TMEM204: variants seen among roughly 807,000 people sequenced by gnomAD.
The protein encoded by TMEM204 is claudin-like protein 24.
In TMEM204, 15 loss-of-function variants were observed where a neutral mutation model predicts 19.4. That is an observed-to-expected ratio of 0.77 (90% CI 0.52 to 1.19). The LOEUF is 1.19. Among genes scored for constraint, TMEM204 ranks in the 50% most tolerant of loss-of-function variants. TMEM204 has a pLI of 0.00. For synonymous variants in TMEM204, 161 were observed against 146.0 expected, an observed-to-expected ratio of 1.10 and a Z score of -0.74; for missense variants, 287 against 321.2, an observed-to-expected ratio of 0.89 and a Z score of 0.81.
Position 1,533,986 on chromosome 16 carries a change from C to A in TMEM204, c.-290C>A, listed in dbSNP as rs761624105. On this transcript the variant is annotated 5_prime_UTR_variant, in exon 1 of 3. Coordinates refer to ENST00000566264, the MANE Select transcript of TMEM204 (RefSeq NM_024600.6). The surrounding 1 kb of genome is among the most constrained non-coding windows in gnomAD (Gnocchi z 4.7). ...CGGCCTCCGCTTCCCGGGAAGACGG[C>A]GCACTCCTGGCCCTGGGTTCTTGCT... 1.7e-5 allele frequency: 8 copies of A among 465,128 alleles called. No homozygotes were observed. The highest frequency in any genetic ancestry group is 4.3e-5 in the Admixed American group (1 of 23,446). 28.8% of individuals were successfully genotyped at this position (465,128 alleles called of 1,614,324 possible). A position where few individuals can be genotyped will look rare whatever the true frequency, so the allele number is the denominator to read the frequency against.
At chr16:1,534,991 G>C (rs2030920173) in intron 1 of TMEM204, among the ~76,000 whole-genome samples, 1 of 152,084 alleles carries the variant, frequency 6.6e-6, no homozygotes, top group Admixed American at 6.5e-5. Context: ...GACTGCTTGA[G>C]GCCAAGAGTT....
intron 1 of TMEM204, among the ~76,000 whole-genome samples, chr16:1,536,430 G>C (rs1168924908): frequency 6.6e-6 from 1 of 152,136 alleles, no homozygotes; most frequent in Non-Finnish European, 1.5e-5. Flanking sequence ...CTGAGCCCTG[G>C]TCAGCCCCTT....
chr16:1,534,003 G>C lies in TMEM204; in HGVS notation c.-273G>C, dbSNP rs1391287793. ...GAAGACGGCGCACTCCTGGCCCTGG[G>C]TTCTTGCTGCTGCCCACCCTCTGCT... is the stretch of plus-strand genomic sequence containing the variant. On this transcript the variant is annotated 5_prime_UTR_variant, in exon 1 of 3. Coordinates refer to ENST00000566264, the MANE Select transcript of TMEM204 (RefSeq NM_024600.6). 2 of 493,176 alleles carry C rather than the reference G, an allele frequency of 4.1e-6. No individual in the cohort carries two copies. Among genetic ancestry groups the C allele is most frequent in the African/African-American group, 4.1e-5 (2 of 48,756 alleles). The allele number at this position is 493,176 out of a possible 1,614,324, so 30.6% of individuals were successfully genotyped here.
chr16:1,550,613 C>T (rs1241231105), intron 2 of TMEM204, among the ~76,000 whole-genome samples: 1 of 152,204 alleles, frequency 6.6e-6, no homozygotes, highest in Non-Finnish European at 1.5e-5. Context: ...CGGCAGGCTG[C>T]CTCAGGGCAG....
At position 1,551,036 on chromosome 16, in the gene TMEM204, G is replaced by A. The variant is rs995491913; in HGVS notation, c.437-3746G>A. ...TGGCCAAAGGGCTCTGTCCCTTTGAGGGGTCCTGGTCACTCAACTGCCAAG... is the reference window on the plus strand; with the variant it reads ...TGGCCAAAGGGCTCTGTCCCTTTGAAGGGTCCTGGTCACTCAACTGCCAAG... On this transcript the variant is annotated intron_variant, in intron 2 of 2. Transcript: ENST00000566264. The surrounding 1 kb of genome is among the most constrained non-coding windows in gnomAD (Gnocchi z 4.0). Among the ~76,000 whole-genome samples the A allele has an allele frequency of 5.3e-5, 8 of 152,200 alleles. No individual in the cohort carries two copies. Among genetic ancestry groups the A allele is most frequent in the African/African-American group, 1.9e-4 (8 of 41,450 alleles).
At chr16:1,532,693 A>T (rs1325036479), upstream of TMEM204, 1 of 152,278 alleles carries the variant, frequency 6.6e-6, no homozygotes, top group Non-Finnish European at 1.5e-5. Context: ...GCATTCACGA[A>T]GCTTTGGAGC....
chr16:1,553,881 A>C lies in TMEM204; in HGVS notation c.437-901A>C. On this transcript the variant is annotated intron_variant, in intron 2 of 2. Transcript: ENST00000566264. This position sits in a 1 kb window ranked among gnomAD's most constrained non-coding sequence, Gnocchi z 4.4. The stretch of plus-strand genomic sequence containing the variant: ...TCCTAGTTGGTAGACTCTAGTCACG[A>C]AACCCTGATTTTCCTGTTGTAAGAA... The C allele has an allele frequency of 1.6e-6, 2 of 1,260,250 alleles. No individual in the cohort carries two copies. The highest frequency in any genetic ancestry group is 3.1e-5 in the African/African-American group (2 of 64,898). The allele number at this position is 1,260,250 out of a possible 1,614,324, so 78.1% of individuals were successfully genotyped here.
chr16:1,536,372 G>GC (rs1307787225), intron 1 of TMEM204, among the ~76,000 whole-genome samples: 3 of 152,174 alleles, frequency 2.0e-5, no homozygotes, highest in African/African-American at 7.2e-5. Context: ...CCCTCACAGA[G>GC]CCCCCTGGAC....
At chr16:1,542,547 G>A (rs1382225805) in intron 2 of TMEM204, among the ~76,000 whole-genome samples, 9 of 152,240 alleles carry the variant, frequency 5.9e-5, no homozygotes, top group Non-Finnish European at 1.0e-4. Context: ...GGCCTAGGAA[G>A]GCCAAGGCAT....
chr16:1,555,039 A>T lies in TMEM204; in HGVS notation c.*13A>T. 1 of 1,601,228 alleles carries T rather than the reference A, an allele frequency of 6.2e-7. No individual in the cohort carries two copies. The highest frequency in any genetic ancestry group is 8.5e-7 in the Non-Finnish European group (1 of 1,173,880). ...GTCACCATGCTGAGTCGCCCTTCTC[A>T]GCGCTCCATCAACGCACACCTGCTA... On this transcript the variant is annotated 3_prime_UTR_variant, in exon 3 of 3. Coordinates refer to ENST00000566264, the MANE Select transcript of TMEM204 (RefSeq NM_024600.6).
chr16:1,548,080 C>T (rs929512704), intron 2 of TMEM204, among the ~76,000 whole-genome samples: 8 of 152,198 alleles, frequency 5.3e-5, no homozygotes, highest in African/African-American at 9.7e-5. Flanking sequence ...TTGAGAGCTT[C>T]GGAGCCTCTC....
chr16:1,531,864 G>C (rs959545443), upstream of TMEM204: 1 of 152,274 alleles, frequency 6.6e-6, no homozygotes, highest in African/African-American at 2.4e-5. This position sits in a 1 kb window ranked among gnomAD's most constrained non-coding sequence, Gnocchi z 4.7. Context: ...CCTGAGGAAA[G>C]GACCAGAGCG....
At chr16:1,536,050 C>T (rs1300638396) in intron 1 of TMEM204, among the ~76,000 whole-genome samples, 1 of 152,226 alleles carries the variant, frequency 6.6e-6, no homozygotes, top group Non-Finnish European at 1.5e-5. Context: ...GCCGGGCGCT[C>T]ATGTGCTTTG....
upstream of TMEM204, chr16:1,530,922 C>T (rs1418986574): frequency 6.6e-6 from 1 of 152,414 alleles, no homozygotes; most frequent in East Asian, 1.9e-4. Flanking sequence ...CTGGACACGC[C>T]CTCCTACAGG....
chr16:1,534,296 G>T lies in TMEM204; in HGVS notation c.21G>T (p.Val7=), dbSNP rs1211137637. Residue 7 remains valine, a synonymous_variant, in exon 1 of 3, where the codon GTG becomes GTT. Transcript: ENST00000566264. ...CAGCGATGACCGTGCAGAGACTCGT[G>T]GCCGCGGCCGTGCTGGTGGCCCTGG... MTVQRL[V]AAAVLVALVS... The T allele has an allele frequency of 1.2e-6, 2 of 1,612,386 alleles. No individual in the cohort carries two copies. Among genetic ancestry groups the T allele is most frequent in the Admixed American group, 3.3e-5 (2 of 59,994 alleles).
chr16:1,535,678 CTG>C (rs1438865917), intron 1 of TMEM204, among the ~76,000 whole-genome samples: 2 of 152,214 alleles, frequency 1.3e-5, no homozygotes, highest in African/African-American at 4.8e-5. Context: ...GGCAAAGAAA[CTG>C]AGGCTTTGCA....
At chr16:1,531,685 C>A (rs2030509626), upstream of TMEM204, 1 of 152,350 alleles carries the variant, frequency 6.6e-6, no homozygotes, top group Non-Finnish European at 1.5e-5. The surrounding 1 kb of genome is among the most constrained non-coding windows in gnomAD (Gnocchi z 4.7). Flanking sequence ...CCGCGCCCAG[C>A]CTGCCATAGC....
In TMEM204 at chr16:1,555,315, T is replaced by C. The variant is rs1242409202; in HGVS notation, c.*289T>C. On this transcript the variant is annotated 3_prime_UTR_variant, in exon 3 of 3. Coordinates refer to ENST00000566264, the MANE Select transcript of TMEM204 (RefSeq NM_024600.6). ...TGGAAGCTGGAAGCTGAGACACAGG[T>C]TAGGTGGCGCGAGGCTGCCCTGCGC... The C allele has an allele frequency of 4.7e-6, 2 of 427,998 alleles. No individual in the cohort carries two copies. The highest frequency in any genetic ancestry group is 8.4e-6 in the Non-Finnish European group (2 of 237,130). 26.5% of individuals were successfully genotyped at this position (427,998 alleles called of 1,614,324 possible). A position where few individuals can be genotyped will look rare whatever the true frequency, so the allele number is the denominator to read the frequency against.
chr16:1,537,689 G>A (rs897493829), intron 1 of TMEM204, among the ~76,000 whole-genome samples: 3 of 152,224 alleles, frequency 2.0e-5, no homozygotes, highest in African/African-American at 7.2e-5. Context: ...ACTTCGTCTC[G>A]TTTTGGATAT....
Sources: allele counts gnomAD v4.1 joint callset (sites outside exome capture counted in the v4.1 genomes callset), GRCh38; gene constraint gnomAD v4.1.1; non-coding constraint Gnocchi (gnomAD v3.1); transcripts MANE v1.5; gene names NCBI Gene and HGNC (gene_info 2026-07-23, HGNC 2026-07-21).